FGD1: variants seen among roughly 807,000 people sequenced by gnomAD.
FGD1 encodes the protein FYVE, RhoGEF and PH domain containing 1.
In FGD1, 12 loss-of-function variants were observed where a neutral mutation model predicts 65.0. The observed-to-expected ratio is 0.18, with a 90% confidence interval of 0.12 to 0.30. The LOEUF is 0.30. FGD1 is among the 10% of genes least tolerant of loss of function. The pLI, the probability that FGD1 is intolerant of heterozygous loss-of-function variation, is 1.00. For missense variants in FGD1, 542 were observed against 837.6 expected (o/e 0.65, Z 4.36); for synonymous variants, 333 against 343.9 (o/e 0.97, Z 0.35).
chrX:54,451,005 TC>T (rs1159755770), intron 12 of FGD1, among the ~76,000 whole-genome samples: 3 of 109,858 alleles, frequency 2.7e-5, no homozygotes, highest in Non-Finnish European at 5.7e-5. Context: ...GCGGAGATCG[TC>T]CCACTGCACT....
chrX:54,490,623 C>G (rs972806202), intron 1 of FGD1, among the ~76,000 whole-genome samples: 3 of 111,216 alleles, frequency 2.7e-5, no homozygotes, highest in Non-Finnish European at 5.7e-5. Flanking sequence ...CCCACAAATG[C>G]CTGCTGGCCA....
chrX:54,461,755 A>G (rs7881608), intron 8 of FGD1, among the ~76,000 whole-genome samples: 39,978 of 108,979 alleles, frequency 0.37, 9,188 homozygotes, highest in African/African-American at 0.84. Flanking sequence ...GGGAACTCAG[A>G]GAATCCAGTC....
At chrX:54,473,384 C>G (rs902413052) in intron 1 of FGD1, among the ~76,000 whole-genome samples, 11 of 111,701 alleles carry the variant, frequency 9.8e-5, no homozygotes, top group African/African-American at 2.9e-4. Context: ...GGCACAGAGT[C>G]AATTATACCA....
At chrX:54,492,914 C>CAA (rs57186509) in intron 1 of FGD1, among the ~76,000 whole-genome samples, 19 of 64,786 alleles carry the variant, frequency 2.9e-4, no homozygotes, top group Admixed American at 3.3e-4. Context: ...CATCTTGAAT[C>CAA]AAAAAAAAAA....
At chrX:54,486,921 A>T (rs1923292551) in intron 1 of FGD1, among the ~76,000 whole-genome samples, 1 of 106,205 alleles carries the variant, frequency 9.4e-6, no homozygotes, top group South Asian at 4.5e-4. Flanking sequence ...GGGACCTGGG[A>T]GGTGGAGGTT....
intron 16 of FGD1, among the ~76,000 whole-genome samples, chrX:54,447,808 T>C (rs1466462277): frequency 8.9e-6 from 1 of 112,200 alleles, no homozygotes; most frequent in African/African-American, 3.2e-5. Context: ...CCTACACTCA[T>C]TGAGAGGTAA....
rs141476994 is a variant in FGD1 at position 54,447,358 on chromosome X, C to T, written c.2533G>A (p.Val845Ile). ...GKGWHKAWFV[V>I]PENEPLVLYI... is the part of the protein sequence containing the mutation. ...AGCACCAAGGGTTCATTTTCAGGGA[C>T]CACGAACCATGCCTTGTGCCATCCT... Residue 845 changes from valine (V) to isoleucine (I), a missense_variant, in exon 17 of 18, where the codon GTC (valine) becomes ATC (isoleucine). Physicochemically the swap from Val to Ile is conservative, Grantham distance 29. Coordinates refer to ENST00000375135, the MANE Select transcript of FGD1 (RefSeq NM_004463.3). 1.7e-6 allele frequency: 2 copies of T among 1,210,330 alleles called. No individual in the cohort carries two copies. The highest frequency in any genetic ancestry group is 3.0e-5 in the East Asian group (1 of 33,774).
At chrX:54,474,953 C>T (rs967809424) in intron 1 of FGD1, among the ~76,000 whole-genome samples, 4 of 112,624 alleles carry the variant, frequency 3.6e-5, no homozygotes, top group African/African-American at 1.3e-4. Flanking sequence ...TGGGCAAGCC[C>T]TCCCTACCCT....
At position 54,470,699 on chromosome X, in the gene FGD1, GGGGATGGGCTCCAGT is replaced by G; in HGVS notation, c.528_542del (p.Leu177_Pro181del). 9.9e-7 allele frequency: 1 copy of G among 1,008,202 alleles called. No individual in the cohort carries two copies. The highest frequency in any genetic ancestry group is 1.4e-6 in the Non-Finnish European group (1 of 723,139). 83.1% of individuals were successfully genotyped at this position (1,008,202 alleles called of 1,213,427 possible). On this transcript the variant is annotated inframe_deletion, in exon 3 of 18. Transcript: ENST00000375135. ...CAGGCAGTGGGCGTGATGGTGGAGG[GGGGATGGGCTCCAGT>G]GGGGGGGGCATCCGGGGCATCTGCA...
Position 54,488,005 on chromosome X carries a change from C to T in FGD1, c.307+7121G>A, listed in dbSNP as rs141885275. ...AAAAACCAAACCACGGTGGCTCACG[C>T]CTGTAATCCTAGCACTTTGGGAGGC... On this transcript the variant is annotated intron_variant, in intron 1 of 17. Transcript: ENST00000375135. 3.8e-3 allele frequency among the ~76,000 whole-genome samples: 413 copies of T among 108,080 alleles called. 3 individuals carry two copies. The highest frequency in any genetic ancestry group is 0.013 in the African/African-American group (394 of 29,727). The allele number at this position is 108,080 out of a possible 115,157, so 93.9% of individuals were successfully genotyped here.
chrX:54,457,691 G>A (rs1922535194), intron 8 of FGD1, among the ~76,000 whole-genome samples: 2 of 111,173 alleles, frequency 1.8e-5, no homozygotes, highest in Admixed American at 1.9e-4. Flanking sequence ...ACACCAGGAA[G>A]AATTTATGTC....
At chrX:54,492,872 C>A (rs1356185384) in intron 1 of FGD1, among the ~76,000 whole-genome samples, 1 of 104,110 alleles carries the variant, frequency 9.6e-6, no homozygotes, top group Non-Finnish European at 1.9e-5. Flanking sequence ...GAGGCCAGGT[C>A]CTTCCCTGAC....
At position 54,448,851 on chromosome X, in the gene FGD1, T is replaced by C. The variant is rs1462913964; in HGVS notation, c.2391A>G (p.Pro797=). 2 of 1,211,720 alleles carry C rather than the reference T, an allele frequency of 1.7e-6. No individual in the cohort carries two copies. The highest frequency in any genetic ancestry group is 3.5e-5 in the South Asian group (2 of 56,943). ...VALHGVPGSS[P]ACSQHTPQRR... ...GCTGGGGTGTATGCTGGCTGCAGGC[T>C]GGACTGCTCCCAGGCACCCCGTGCA... is the stretch of plus-strand genomic sequence containing the variant. Residue 797 remains proline, a synonymous_variant, in exon 16 of 18, where the codon CCA becomes CCG. Transcript: ENST00000375135.
At chrX:54,465,956 A>G (rs866734937) in intron 6 of FGD1, 104 bp from the exon 7 acceptor site, 7 of 923,209 alleles carry the variant, frequency 7.6e-6, no homozygotes, top group Non-Finnish European at 7.7e-6. Flanking sequence ...TCTCAGTCCT[A>G]GAAACCTACT....
intron 8 of FGD1, among the ~76,000 whole-genome samples, chrX:54,464,794 G>A (rs6612159): frequency 0.11 from 12,258 of 110,129 alleles, 738 homozygotes; most frequent in East Asian, 0.48. Context: ...AAAATTTGGG[G>A]TCCAGTCTAG....
intron 6 of FGD1, 110 bp downstream of exon 6, chrX:54,467,674 G>T: frequency 2.2e-6 from 2 of 890,573 alleles, no homozygotes; most frequent in East Asian, 3.4e-5. Flanking sequence ...TTTTTCAAAA[G>T]TCACTAAGAG....
rs374417790 is a variant in FGD1, at chrX:54,463,655, T to C, written c.1636+1796A>G. Among the ~76,000 whole-genome samples the C allele has an allele frequency of 8.1e-5, 9 of 111,474 alleles. 1 individual carries two copies. Among genetic ancestry groups the C allele is most frequent in the Non-Finnish European group, 1.7e-4 (9 of 53,142 alleles). On this transcript the variant is annotated intron_variant, in intron 8 of 17. Coordinates refer to ENST00000375135, the MANE Select transcript of FGD1 (RefSeq NM_004463.3). ...AACCTCATTTCTACCATTCTACTCT[T>C]ATTTGTCATGTTCAGGTCACACTGA...
intron 1 of FGD1, among the ~76,000 whole-genome samples, chrX:54,477,093 C>T (rs779665719): frequency 1.8e-5 from 2 of 112,855 alleles, no homozygotes; most frequent in South Asian, 7.3e-4. Flanking sequence ...CCGTGCTCGG[C>T]ACAACTGCAC....
chrX:54,480,005 T>C (rs1240717720), intron 1 of FGD1, among the ~76,000 whole-genome samples: 1 of 112,202 alleles, frequency 8.9e-6, no homozygotes, highest in Non-Finnish European at 1.9e-5. Context: ...CAGGGGTTCC[T>C]TCCCTGAAGT....
Sources: gnomAD v4.1 joint callset for allele counts (sites outside exome capture counted in the v4.1 genomes callset) on GRCh38, gnomAD v4.1.1 for gene constraint, MANE v1.5 for transcripts, NCBI Gene and HGNC (gene_info 2026-07-23, HGNC 2026-07-21) for gene names.